ATG10: variants seen among roughly 807,000 people sequenced by gnomAD.
ATG10 encodes the protein autophagy related 10, also known as ubiquitin-like-conjugating enzyme ATG10.
Under a neutral mutation model 32.1 loss-of-function variants are expected in ATG10, and 30 were observed. The observed-to-expected ratio is 0.94, with a 90% CI of 0.70 to 1.27. ATG10 has a LOEUF of 1.27. Among genes scored for constraint, ATG10 ranks in the 50% most tolerant of loss-of-function variants. The probability of loss-of-function intolerance (pLI) is 0.00; values close to 1 mark genes in which losing one functional copy is unlikely to be tolerated. For missense variants in ATG10, 233 were observed against 262.3 expected, an observed-to-expected ratio of 0.89 and a Z score of 0.77; for synonymous variants, 87 against 91.5, an observed-to-expected ratio of 0.95 and a Z score of 0.28.
intron 2 of ATG10, among the ~76,000 whole-genome samples, chr5:82,055,378 A>G (rs1292471179): frequency 6.6e-6 from 1 of 152,162 alleles, no homozygotes; most frequent in Non-Finnish European, 1.5e-5. Context: ...AAAGTGACAT[A>G]TCTCTTTATC....
At chr5:82,124,951 G>A (rs1436645422) in intron 3 of ATG10, among the ~76,000 whole-genome samples, 3 of 152,154 alleles carry the variant, frequency 2.0e-5, no homozygotes, top group Non-Finnish European at 2.9e-5. Flanking sequence ...TCCAGCATCT[G>A]TTGTTTCCTG....
At chr5:82,244,475 C>T (rs1040787190) in intron 5 of ATG10, among the ~76,000 whole-genome samples, 11 of 152,206 alleles carry the variant, frequency 7.2e-5, no homozygotes, top group African/African-American at 2.2e-4. Context: ...CCATGTAAAG[C>T]GCTTAATACG....
chr5:81,976,561 C>T (rs1432374197), intron 1 of ATG10, among the ~76,000 whole-genome samples: 1 of 152,194 alleles, frequency 6.6e-6, no homozygotes, highest in African/African-American at 2.4e-5. Flanking sequence ...CAACTAACCT[C>T]TAACCACTGA....
At chr5:81,980,575 C>T (rs1761008699) in intron 1 of ATG10, among the ~76,000 whole-genome samples, 1 of 151,648 alleles carries the variant, frequency 6.6e-6, no homozygotes, top group South Asian at 2.1e-4. Flanking sequence ...TCTTCCTTTC[C>T]TAGTGTTGAA....
intron 5 of ATG10, among the ~76,000 whole-genome samples, chr5:82,192,759 C>A (rs943049428): frequency 2.0e-5 from 3 of 152,154 alleles, no homozygotes; most frequent in Admixed American, 2.0e-4. Context: ...GACACAATTT[C>A]TATTCTATAT....
chr5:82,069,873 A>G (rs979943680), intron 3 of ATG10, among the ~76,000 whole-genome samples: 1 of 152,220 alleles, frequency 6.6e-6, no homozygotes, highest in Non-Finnish European at 1.5e-5. Flanking sequence ...CAAGGATTGC[A>G]TTGTTAAAGG....
At chr5:82,116,171 G>A (rs1473149938) in intron 3 of ATG10, among the ~76,000 whole-genome samples, 2 of 151,980 alleles carry the variant, frequency 1.3e-5, no homozygotes, top group African/African-American at 2.4e-5. Context: ...GGCTGTTGAG[G>A]TCATATAATT....
At chr5:82,157,139 A>G (rs1767828994) in intron 3 of ATG10, among the ~76,000 whole-genome samples, 1 of 152,118 alleles carries the variant, frequency 6.6e-6, no homozygotes, top group East Asian at 1.9e-4. Flanking sequence ...CTGCACAGGA[A>G]ACAGATTCTT....
intron 2 of ATG10, among the ~76,000 whole-genome samples, chr5:82,027,576 C>G (rs986559657): frequency 6.6e-6 from 1 of 151,942 alleles, no homozygotes; most frequent in Non-Finnish European, 1.5e-5. Flanking sequence ...CAGAAAGTTC[C>G]CTAACTCTAT....
intron 3 of ATG10, among the ~76,000 whole-genome samples, chr5:82,158,107 T>G (rs991187545): frequency 6.6e-6 from 1 of 152,208 alleles, no homozygotes; most frequent in Non-Finnish European, 1.5e-5. Context: ...TAATGGGATT[T>G]AGTTGTAAAG....
rs184815852 is a variant in ATG10, at chr5:82,016,911, C to T, written c.108+29233C>T. 2.0e-3 allele frequency among the ~76,000 whole-genome samples: 309 copies of T among 152,106 alleles called. 3 individuals are homozygous for T. Among genetic ancestry groups the T allele is most frequent in the African/African-American group, 6.6e-3 (274 of 41,502 alleles). On this transcript the variant is annotated intron_variant, in intron 2 of 7. Coordinates refer to ENST00000282185, the MANE Select transcript of ATG10 (RefSeq NM_031482.5). ...TTCACCGTGTTAGCCAGGATGGTCT[C>T]GAGCTCCTGACCTCGTGATCCGCGC...
chr5:82,209,344 G>T (rs575948877), intron 5 of ATG10, among the ~76,000 whole-genome samples: 1 of 152,084 alleles, frequency 6.6e-6, no homozygotes, highest in Non-Finnish European at 1.5e-5. Context: ...CATCCCCAAT[G>T]TAATGGTATT....
At chr5:82,184,819 C>T (rs2149934230) in intron 5 of ATG10, among the ~76,000 whole-genome samples, 1 of 152,206 alleles carries the variant, frequency 6.6e-6, no homozygotes, top group East Asian at 1.9e-4. Flanking sequence ...AGGCACCATG[C>T]CTACTCTGTC....
chr5:82,128,353 CAGTT>C lies in ATG10; in HGVS notation c.217-36040_217-36037del, dbSNP rs536723601. On this transcript the variant is annotated intron_variant, in intron 3 of 7. Coordinates refer to ENST00000282185, the MANE Select transcript of ATG10 (RefSeq NM_031482.5). ...GTATGATGCTAGCTGGTTATTTTGC[CAGTT>C]AGTTAATGCAGTTTCTTCATAGTGT... 1.2e-3 allele frequency among the ~76,000 whole-genome samples: 183 copies of C among 151,936 alleles called. 1 individual carries two copies. Among genetic ancestry groups the C allele is most frequent in the Middle Eastern group, 6.8e-3 (2 of 294 alleles).
intron 4 of ATG10, among the ~76,000 whole-genome samples, chr5:82,178,085 G>C (rs893730791): frequency 1.3e-5 from 2 of 152,054 alleles, no homozygotes; most frequent in Non-Finnish European, 2.9e-5. Flanking sequence ...AAGATGCATG[G>C]GTATGGCTTC....
chr5:82,022,201 A>T (rs1047812880), intron 2 of ATG10, among the ~76,000 whole-genome samples: 19 of 151,756 alleles, frequency 1.3e-4, no homozygotes, highest in Non-Finnish European at 1.8e-4. Context: ...AAAAAAAAAA[A>T]TTTTATCTGA....
chr5:82,059,203 C>T lies in ATG10; in HGVS notation c.216+601C>T, dbSNP rs528383816. Among the ~76,000 whole-genome samples the T allele has an allele frequency of 2.4e-4, 37 of 152,086 alleles. No homozygotes were observed. The South Asian group carries it at 7.7e-3, about 32-fold the overall frequency. ...ACTGAGTGGTTTTCTGAGATATTTT[C>T]ATTTTTCTTTTTATCGAAATGCAAA... On this transcript the variant is annotated intron_variant, in intron 3 of 7. Transcript: ENST00000282185.
At chr5:82,063,193 C>T (rs1387438204) in intron 3 of ATG10, among the ~76,000 whole-genome samples, 1 of 152,016 alleles carries the variant, frequency 6.6e-6, no homozygotes, top group Non-Finnish European at 1.5e-5. Context: ...GTGGCATGCA[C>T]CTGTAGTCCT....
intron 5 of ATG10, among the ~76,000 whole-genome samples, chr5:82,207,163 G>T (rs1012390388): frequency 1.8e-4 from 28 of 151,916 alleles, no homozygotes; most frequent in African/African-American, 6.5e-4. Context: ...ATTTCTATTG[G>T]GTATATATCA....
Sources: gnomAD v4.1 joint callset for allele counts (sites outside exome capture counted in the v4.1 genomes callset) on GRCh38, gnomAD v4.1.1 for gene constraint, MANE v1.5 for transcripts, NCBI Gene and HGNC (gene_info 2026-07-23, HGNC 2026-07-21) for gene names.